TLE1: variants seen among roughly 807,000 people sequenced by gnomAD.
TLE1 encodes TLE family member 1, transcriptional corepressor, also known as transducin-like enhancer protein 1.
In TLE1, 21 loss-of-function variants were observed where a neutral mutation model predicts 89.8. That is an observed-to-expected ratio of 0.23 (90% CI 0.17 to 0.34). The LOEUF (loss-of-function observed/expected upper bound fraction) is 0.34. Among genes scored for constraint, TLE1 ranks in the 10% least tolerant of loss-of-function variants. TLE1 has a pLI of 1.00. For synonymous variants in TLE1, 447 were observed against 407.6 expected (o/e 1.10, Z -1.16); for missense variants, 795 against 1,031.2 (o/e 0.77, Z 3.14).
Position 81,584,285 on chromosome 9 carries a change from C to G in TLE1, c.2226G>C (p.Val742=), listed in dbSNP as rs374286795. The G allele has an allele frequency of 1.2e-5, 20 of 1,614,050 alleles. No homozygotes were observed. The African/African-American group carries it at 2.4e-4, about 19-fold the overall frequency. Residue 742 remains valine (V), a synonymous_variant, in exon 20 of 20, where the codon GTG becomes GTC. Transcript: ENST00000376499. The stretch of plus-strand genomic sequence containing the variant: ...CATCCACAGAGATGTCACAGCTAAG[C>G]ACTGACGAGGACTCTTTGGACTGGA... ...SIFQSKESSS[V]LSCDISVDDK... is the part of the protein sequence containing the mutation.
In TLE1 at chr9:81,688,219, G is replaced by C. The variant is rs756549334; in HGVS notation, c.22C>G (p.Pro8Ala). The C allele has an allele frequency of 4.0e-5, 64 of 1,597,360 alleles. No individual in the cohort carries two copies. Among genetic ancestry groups the C allele is most frequent in the South Asian group, 3.5e-4 (32 of 90,216 alleles). ...ACCACCACCCAGCCGCGCCTCACCG[G>C]GTGCCGGCTCTGCGGGAACATCGCT... MFPQSRH[P>A]TPHQAAGQPF... Residue 8 changes from proline to alanine, a missense_variant and splice_region_variant, in exon 1 of 20, where the codon CCG (proline) becomes GCG (alanine). Pro to Ala is a conservative substitution (Grantham distance 27). Around this residue, in one of 4 missense-constraint regions of TLE1, gnomAD observed 47 missense variants for 48.5 expected, o/e 0.97. Coordinates refer to ENST00000376499, the MANE Select transcript of TLE1 (RefSeq NM_005077.5).
intron 9 of TLE1, among the ~76,000 whole-genome samples, chr9:81,617,430 G>C (rs944289757): frequency 1.3e-5 from 2 of 152,206 alleles, no homozygotes; most frequent in African/African-American, 4.8e-5. Flanking sequence ...GGGCACAGTG[G>C]CTCACGCCTG....
chr9:81,662,309 G>T (rs1830897181), intron 4 of TLE1, among the ~76,000 whole-genome samples: 1 of 151,452 alleles, frequency 6.6e-6, no homozygotes, highest in South Asian at 2.1e-4. Flanking sequence ...AAATGACCAA[G>T]ACATTCACTA....
chr9:81,660,934 A>AACACACAC (rs548190067), intron 4 of TLE1, among the ~76,000 whole-genome samples: 1,281 of 88,808 alleles, frequency 0.014, 33 homozygotes, highest in Middle Eastern at 0.034. Flanking sequence ...ATCCCTACTA[A>AACACACAC]ACACACACAC....
chr9:81,616,839 T>C, intron 9 of TLE1, 140 bp from the exon 10 acceptor site: 1 of 845,184 alleles, frequency 1.2e-6, no homozygotes. Flanking sequence ...TCTATCAGTT[T>C]GCCAGTCCTA....
chr9:81,611,868 G>A lies in TLE1; in HGVS notation c.1155C>T (p.Thr385=). The part of the protein sequence containing the change: ...VPHAGMNGEL[T]SPGAAYASLH... ...AACTGGCGTAGGCAGCGCCTGGGCT[G>A]GTCAGCTCGCCGTTCATGCCAGCGT... Residue 385 remains threonine (T), a synonymous_variant, in exon 13 of 20, where the codon ACC becomes ACT. Transcript: ENST00000376499. 1 of 1,558,240 alleles carries A rather than the reference G, an allele frequency of 6.4e-7. No individual in the cohort carries two copies.
chr9:81,644,441 TAAGTAA>T (rs1289997256), intron 6 of TLE1, among the ~76,000 whole-genome samples: 1 of 152,164 alleles, frequency 6.6e-6, no homozygotes, highest in East Asian at 1.9e-4. Flanking sequence ...GAAAACATGC[TAAGTAA>T]AAGAAGCCAG....
At chr9:81,651,638 A>G (rs1829548419) in intron 6 of TLE1, among the ~76,000 whole-genome samples, 1 of 152,228 alleles carries the variant, frequency 6.6e-6, no homozygotes, top group Non-Finnish European at 1.5e-5. Context: ...AGAAAGCAAA[A>G]GGCAAAAAGC....
chr9:81,622,395 C>T (rs144402804), intron 8 of TLE1, among the ~76,000 whole-genome samples: 7 of 152,180 alleles, frequency 4.6e-5, no homozygotes, highest in African/African-American at 9.7e-5. Context: ...ATCAGCACTG[C>T]GCATCCAAGC....
chr9:81,642,557 G>A (rs963164878), intron 6 of TLE1, among the ~76,000 whole-genome samples: 3 of 151,960 alleles, frequency 2.0e-5, no homozygotes, highest in African/African-American at 7.3e-5. Context: ...AGCCAGGCAT[G>A]GTGGTGGGTG....
At chr9:81,604,403 G>A (rs941692724) in intron 14 of TLE1, among the ~76,000 whole-genome samples, 6 of 152,202 alleles carry the variant, frequency 3.9e-5, no homozygotes, top group Non-Finnish European at 7.3e-5. Context: ...CTAGCCAGAA[G>A]AGAAGCCTCA....
At chr9:81,603,640 A>ATTTACTGCC (rs1445618862) in intron 14 of TLE1, among the ~76,000 whole-genome samples, 2 of 152,258 alleles carry the variant, frequency 1.3e-5, no homozygotes, top group African/African-American at 4.8e-5. Context: ...CTTCCCCACA[A>ATTTACTGCC]TTTACTGCCT....
intron 4 of TLE1, among the ~76,000 whole-genome samples, chr9:81,677,604 G>A (rs1006678067): frequency 6.7e-6 from 1 of 148,360 alleles, no homozygotes; most frequent in African/African-American, 2.5e-5. Context: ...TCAGGTAAAC[G>A]CACTCAAGCT....
chr9:81,584,390 G>A (rs555561614), intron 19 of TLE1, 58 bp downstream of exon 19: 23 of 1,609,942 alleles, frequency 1.4e-5, no homozygotes, highest in African/African-American at 1.3e-5. Context: ...CTTCACTCCT[G>A]GCTTCAGAGG....
chr9:81,657,929 A>T (rs1247909909), intron 4 of TLE1, among the ~76,000 whole-genome samples: 1 of 133,928 alleles, frequency 7.5e-6, no homozygotes, highest in East Asian at 2.0e-4. Flanking sequence ...TTTTTTTTTA[A>T]GACAGAGTCT....
chr9:81,618,517 A>G (rs367755739), intron 9 of TLE1, among the ~76,000 whole-genome samples: 7 of 152,200 alleles, frequency 4.6e-5, no homozygotes, highest in African/African-American at 1.7e-4. Flanking sequence ...ATTCACTAGT[A>G]ACAACTTCAA....
intron 8 of TLE1, among the ~76,000 whole-genome samples, chr9:81,626,315 C>T (rs1174573542): frequency 6.6e-6 from 1 of 152,080 alleles, no homozygotes; most frequent in East Asian, 1.9e-4. Context: ...ATTAACTTCT[C>T]GGTGAACATT....
chr9:81,627,965 T>C (rs1826104332), intron 8 of TLE1, among the ~76,000 whole-genome samples: 2 of 152,152 alleles, frequency 1.3e-5, no homozygotes, highest in African/African-American at 4.8e-5. Context: ...ACGCCTGTAA[T>C]CTCAGCACTT....
chr9:81,595,671 C>T (rs1830088095), intron 14 of TLE1, among the ~76,000 whole-genome samples: 2 of 151,792 alleles, frequency 1.3e-5, no homozygotes, highest in South Asian at 2.1e-4. Flanking sequence ...ACAAAAAAAT[C>T]AGCCGGGTAT....
Sources: allele counts gnomAD v4.1 joint callset (sites outside exome capture counted in the v4.1 genomes callset), GRCh38; gene constraint gnomAD v4.1.1; regional missense constraint gnomAD v4.1.1; transcripts MANE v1.5; gene names NCBI Gene and HGNC (gene_info 2026-07-23, HGNC 2026-07-21).